The following LRSAM1 variants were observed in gnomAD, a reference collection of about 807,000 sequenced individuals.
LRSAM1 encodes leucine rich repeat and sterile alpha motif containing 1, also known as E3 ubiquitin-protein ligase LRSAM1.
In LRSAM1, 96 loss-of-function variants were observed where a neutral mutation model predicts 118.1. That is an observed-to-expected ratio of 0.81 (90% CI 0.69 to 0.96). The LOEUF is 0.96. Ranked by LOEUF, LRSAM1 falls within the 40% of genes least tolerant of loss-of-function variation. The pLI, the probability that LRSAM1 is intolerant of heterozygous loss-of-function variation, is 0.00. For synonymous variants in LRSAM1, 322 were observed against 364.2 expected, an observed-to-expected ratio of 0.88 and a Z score of 1.32; for missense variants, 804 against 915.5, an observed-to-expected ratio of 0.88 and a Z score of 1.57.
chr9:127,479,542 A>AC lies in LRSAM1; in HGVS notation c.903+37_903+38insC, dbSNP rs764852443. On this transcript the variant is annotated intron_variant, in intron 13 of 25. Transcript: ENST00000300417. ...GCCTGCTAGGGTCCAGCCTGGCTGC[A>AC]TCCCCCAGCCAGTGGCCTCCTGGCT... 2.5e-6 allele frequency: 4 copies of AC among 1,609,098 alleles called. No individual in the cohort carries two copies. In the African/African-American group the frequency reaches 4.0e-5, roughly 16 times the overall value.
chr9:127,475,795 C>CAGG (rs1835329397), intron 11 of LRSAM1, among the ~76,000 whole-genome samples: 1 of 151,906 alleles, frequency 6.6e-6, no homozygotes. Context: ...GGCTGGAGTG[C>CAGG]AGTGGTGCAA....
chr9:127,457,777 CAA>C (rs1466711935), intron 6 of LRSAM1, among the ~76,000 whole-genome samples: 1 of 152,174 alleles, frequency 6.6e-6, no homozygotes, highest in African/African-American at 2.4e-5. Context: ...GAGGCATTCA[CAA>C]CATGTGGGAG....
At chr9:127,495,599 G>C (rs561763149) in intron 22 of LRSAM1, among the ~76,000 whole-genome samples, 181 bp downstream of exon 22, 1 of 152,316 alleles carries the variant, frequency 6.6e-6, no homozygotes, top group East Asian at 1.9e-4. Context: ...ATTCTGGTGA[G>C]GGGGACGACA....
At chr9:127,489,665 A>C in intron 19 of LRSAM1, 147 bp downstream of exon 19, 1 of 872,602 alleles carries the variant, frequency 1.1e-6, no homozygotes, top group Non-Finnish European at 1.8e-6. Context: ...TGCCCTCAGA[A>C]CCTCCCTTTG....
Position 127,465,602 on chromosome 9 carries a change from C to T in LRSAM1, c.529-2138C>T, listed in dbSNP as rs866651271. 2.6e-5 allele frequency among the ~76,000 whole-genome samples: 4 copies of T among 152,346 alleles called. No individual in the cohort carries two copies. In the South Asian group the frequency reaches 8.3e-4, roughly 32 times the overall value. Reference sequence around the variant, plus strand: ...TCCTCTTCCCTGGGGCAGTCTCCCACTCCCTGTGCAAAGCACGTTCACTCA... The same window carrying T: ...TCCTCTTCCCTGGGGCAGTCTCCCATTCCCTGTGCAAAGCACGTTCACTCA... On this transcript the variant is annotated intron_variant, in intron 9 of 25. Coordinates refer to ENST00000300417, the MANE Select transcript of LRSAM1 (RefSeq NM_001005373.4). This position sits in a 1 kb window ranked among gnomAD's most constrained non-coding sequence, Gnocchi z 4.1.
intron 25 of LRSAM1, 60 bp downstream of exon 25, chr9:127,501,203 G>A: frequency 6.3e-7 from 1 of 1,591,870 alleles, no homozygotes; most frequent in East Asian, 2.3e-5. Context: ...CTCAAATTCT[G>A]CAGGTACAGG....
intron 6 of LRSAM1, among the ~76,000 whole-genome samples, chr9:127,458,409 C>T (rs895931495): frequency 5.4e-5 from 8 of 149,008 alleles, no homozygotes; most frequent in African/African-American, 2.0e-4. Flanking sequence ...CAAAACAAAA[C>T]AAAACAAAAC....
chr9:127,487,012 G>A (rs1044657945), intron 17 of LRSAM1, among the ~76,000 whole-genome samples: 14 of 151,826 alleles, frequency 9.2e-5, no homozygotes, highest in African/African-American at 3.1e-4. Context: ...GTAAAACCCC[G>A]TCTCTACTAA....
chr9:127,468,606 C>A (rs1394161039), intron 10 of LRSAM1, among the ~76,000 whole-genome samples: 2 of 151,900 alleles, frequency 1.3e-5, no homozygotes. Flanking sequence ...ACTGGTTGTC[C>A]CTGTGGAAAA....
intron 12 of LRSAM1, 136 bp from the exon 13 acceptor site, chr9:127,479,247 T>C (rs1282194297): frequency 1.5e-6 from 2 of 1,296,494 alleles, no homozygotes. Context: ...AGTTGGGCCC[T>C]GGAGGGGAGT....
chr9:127,457,320 T>C lies in LRSAM1; in HGVS notation c.179T>C (p.Leu60Pro). ...GCCGCACATCTCTCCACACAGGTGCTGATCGTCCACACGAATCACCTCACT... is the reference window on the plus strand; with the variant it reads ...GCCGCACATCTCTCCACACAGGTGCCGATCGTCCACACGAATCACCTCACT... The part of the protein sequence containing the change: ...ATCKVLQKKV[L>P]IVHTNHLTSL... The change falls in exon 6 of 26, where the codon CTG becomes CCG. Residue 60 changes from leucine (L) to proline (P), a missense_variant. By Grantham distance (98) the Leu-to-Pro change is moderately conservative. Coordinates refer to ENST00000300417, the MANE Select transcript of LRSAM1 (RefSeq NM_001005373.4). The C allele has an allele frequency of 6.2e-7, 1 of 1,614,142 alleles. No homozygotes were observed. The highest frequency in any genetic ancestry group is 8.5e-7 in the Non-Finnish European group (1 of 1,180,028).
intron 20 of LRSAM1, 84 bp downstream of exon 20, chr9:127,491,379 A>C (rs1588132797): frequency 2.7e-6 from 3 of 1,103,266 alleles, no homozygotes; most frequent in Non-Finnish European, 2.8e-6. Context: ...GCAGCTGCTC[A>C]CCAGCCCCTG....
chr9:127,477,953 G>A (rs978364355), intron 11 of LRSAM1, among the ~76,000 whole-genome samples: 1 of 151,626 alleles, frequency 6.6e-6, no homozygotes, highest in African/African-American at 2.4e-5. Context: ...GGAGGCTGAG[G>A]CAGGAGAATT....
In LRSAM1 at chr9:127,481,341, C is replaced by T. The variant is rs10819297; in HGVS notation, c.1088+114C>T. 130,215 of 1,115,150 alleles carry T rather than the reference C, an allele frequency of 0.12. 10,642 individuals carry two copies. Among genetic ancestry groups the T allele is most frequent in the Admixed American group, 0.37 (18,562 of 49,926 alleles). 69.1% of individuals were successfully genotyped at this position (1,115,150 alleles called of 1,614,324 possible). On this transcript the variant is annotated intron_variant, in intron 15 of 25. Coordinates refer to ENST00000300417, the MANE Select transcript of LRSAM1 (RefSeq NM_001005373.4). ...AATCTCGGCTCAGTGCAACCCCCGC[C>T]GCCCAGGTCCAAGCAATTCCCCTGC... is the stretch of plus-strand genomic sequence containing the variant.
chr9:127,470,653 T>C (rs1835132191), intron 10 of LRSAM1, among the ~76,000 whole-genome samples: 1 of 152,144 alleles, frequency 6.6e-6, no homozygotes. Flanking sequence ...AACTGTTTTA[T>C]ACTCAATGTG....
At chr9:127,458,913 G>A in intron 6 of LRSAM1, 90 bp from the exon 7 acceptor site, 1 of 1,253,922 alleles carries the variant, frequency 8.0e-7, no homozygotes, top group Non-Finnish European at 1.2e-6. Flanking sequence ...CTGGGGGTGT[G>A]AGGTGGCCCC....
In LRSAM1 at chr9:127,503,413, G is replaced by C. The variant is rs994959260; in HGVS notation, c.*514G>C. The stretch of plus-strand genomic sequence containing the variant: ...CTCTCTGCTGCTCCCCAGAACCCCG[G>C]GGCCCTCCTGCTCTCCACAACTGTC... On this transcript the variant is annotated 3_prime_UTR_variant, in exon 26 of 26. Transcript: ENST00000300417. 1 of 177,398 alleles carries C rather than the reference G, an allele frequency of 5.6e-6. No homozygotes were observed. The highest frequency in any genetic ancestry group is 1.2e-5 in the Non-Finnish European group (1 of 83,522). The allele number at this position is 177,398 out of a possible 1,614,324, so 11.0% of individuals were successfully genotyped here. A position where few individuals can be genotyped will look rare whatever the true frequency, so the allele number is the denominator to read the frequency against.
chr9:127,501,253 C>A, intron 25 of LRSAM1, 110 bp downstream of exon 25: 2 of 1,358,444 alleles, frequency 1.5e-6, no homozygotes, highest in Non-Finnish European at 2.0e-6. Flanking sequence ...TCTAAGTAGA[C>A]TGTGCTCATC....
chr9:127,491,181 A>G (rs1835918464), intron 19 of LRSAM1, 34 bp from the exon 20 acceptor site: 4 of 1,548,294 alleles, frequency 2.6e-6, no homozygotes, highest in Non-Finnish European at 3.6e-6. Flanking sequence ...GGTTAATGTG[A>G]GTAAAAAAAA....
Sources: allele counts gnomAD v4.1 joint callset (sites outside exome capture counted in the v4.1 genomes callset), GRCh38; gene constraint gnomAD v4.1.1; non-coding constraint Gnocchi (gnomAD v3.1); transcripts MANE v1.5; gene names NCBI Gene and HGNC (gene_info 2026-07-23, HGNC 2026-07-21).